SNX13: variants seen among roughly 807,000 people sequenced by gnomAD.
The protein encoded by SNX13 is sorting nexin 13, also known as sorting nexin-13.
Under a neutral mutation model 133.6 loss-of-function variants are expected in SNX13, and 45 were observed. The observed-to-expected ratio is 0.34, with a 90% CI of 0.27 to 0.43. SNX13 has a LOEUF of 0.43. SNX13 is among the 20% of genes least tolerant of loss of function. SNX13 has a pLI of 1.00. For synonymous variants in SNX13, 414 were observed against 373.9 expected (o/e 1.11, Z -1.24); for missense variants, 1,032 against 1,145.1 (o/e 0.90, Z 1.43).
At chr7:17,861,293 G>A (rs991664414) in intron 9 of SNX13, among the ~76,000 whole-genome samples, 3 of 151,820 alleles carry the variant, frequency 2.0e-5, no homozygotes, top group African/African-American at 7.3e-5. Context: ...GCCATCAGGT[G>A]ATGGGTTTGG....
At position 17,839,667 on chromosome 7, in the gene SNX13, G is replaced by A. The variant is rs1020772652; in HGVS notation, c.1359+140C>T. The A allele has an allele frequency of 6.4e-5, 39 of 611,690 alleles. No individual in the cohort carries two copies. The African/African-American group carries it at 7.4e-4, about 12-fold the overall frequency. 37.9% of individuals were successfully genotyped at this position (611,690 alleles called of 1,614,324 possible). A position where few individuals can be genotyped will look rare whatever the true frequency, so the allele number is the denominator to read the frequency against. ...AACATCAGAATCTTCACTTAAACGA[G>A]GATACAGACAGACAGGAAGATTGTT... On this transcript the variant is annotated intron_variant, in intron 13 of 25. Coordinates refer to ENST00000428135, the MANE Select transcript of SNX13 (RefSeq NM_015132.5).
Position 17,794,250 on chromosome 7 carries a change from C to A in SNX13, c.2669G>T (p.Gly890Val). The A allele has an allele frequency of 6.2e-7, 1 of 1,611,532 alleles. No homozygotes were observed. Among genetic ancestry groups the A allele is most frequent in the South Asian group, 1.1e-5 (1 of 90,962 alleles). ...HIIGAETTRK[G>V]ILRVFEMFQH... Reference sequence around the variant, plus strand: ...AAACATTTCAAAAACACGAAGAATACCTTTCCGTGTTGTCTCAGCCCCAAT... The same window carrying A: ...AAACATTTCAAAAACACGAAGAATAACTTTCCGTGTTGTCTCAGCCCCAAT... The change falls in exon 26 of 26, where the codon GGT (glycine) becomes GTT (valine). Residue 890 changes from glycine (G) to valine (V), a missense_variant. Coordinates refer to ENST00000428135, the MANE Select transcript of SNX13 (RefSeq NM_015132.5).
At chr7:17,840,590 A>C (rs544478946) in intron 12 of SNX13, among the ~76,000 whole-genome samples, 6 of 152,210 alleles carry the variant, frequency 3.9e-5, no homozygotes, top group African/African-American at 1.4e-4. Flanking sequence ...AATTTGCATT[A>C]GAATTTCCTA....
intron 5 of SNX13, chr7:17,888,935 T>C (rs1215613195): frequency 3.7e-6 from 1 of 269,214 alleles, no homozygotes; most frequent in African/African-American, 2.3e-5. Flanking sequence ...GATTACTAGT[T>C]CAAATCTCTT....
chr7:17,796,605 C>T (rs989664279), intron 25 of SNX13: 2 of 442,060 alleles, frequency 4.5e-6, no homozygotes, highest in African/African-American at 2.0e-5. Flanking sequence ...GCTTCCGTTT[C>T]CTCACATATA....
chr7:17,794,197 C>T lies in SNX13; in HGVS notation c.2722G>A (p.Val908Ile), dbSNP rs778206599. The part of the protein sequence containing the change: ...FQHNQLNRRM[V>I]YVFLEGFLET... ...AAAAAGCCTTCCAAGAAGACATAAA[C>T]CATTCTCCTATTTAATTGGTTGTGC... Residue 908 changes from valine (V) to isoleucine (I), a missense_variant, in exon 26 of 26, where the codon GTT becomes ATT. Val to Ile is a conservative substitution (Grantham distance 29, BLOSUM62 3). Coordinates refer to ENST00000428135, the MANE Select transcript of SNX13 (RefSeq NM_015132.5). 6.2e-7 allele frequency: 1 copy of T among 1,611,670 alleles called. No individual in the cohort carries two copies. Among genetic ancestry groups the T allele is most frequent in the African/African-American group, 1.3e-5 (1 of 74,962 alleles).
chr7:17,794,378 A>C (rs1783831890), intron 25 of SNX13, 86 bp from the exon 26 acceptor site: 8 of 1,470,976 alleles, frequency 5.4e-6, no homozygotes, highest in Non-Finnish European at 7.3e-6. Context: ...TAAGGTACAC[A>C]GCAGAGTAAC....
chr7:17,800,391 C>A (rs1784486762), intron 22 of SNX13, among the ~76,000 whole-genome samples: 1 of 151,648 alleles, frequency 6.6e-6, no homozygotes, highest in Non-Finnish European at 1.5e-5. Context: ...TATATGGTAA[C>A]CTGATTTGTG....
At chr7:17,898,141 T>C (rs891911491) in intron 1 of SNX13, 2 of 152,070 alleles carry the variant, frequency 1.3e-5, no homozygotes, top group East Asian at 3.8e-4. Flanking sequence ...AAACGCCTTT[T>C]ATTAAAGGCA....
intron 16 of SNX13, 35 bp from the exon 17 acceptor site, chr7:17,826,126 A>ATTT (rs1239503766): frequency 7.3e-7 from 1 of 1,376,864 alleles, no homozygotes. Context: ...AATTTTTAAA[A>ATTT]TTTTATAGGG....
chr7:17,822,242 C>A (rs1395447535), intron 17 of SNX13, among the ~76,000 whole-genome samples: 1 of 151,794 alleles, frequency 6.6e-6, no homozygotes, highest in Admixed American at 6.6e-5. Flanking sequence ...TTGCCACATA[C>A]CAAGCAAGTC....
chr7:17,832,237 T>C lies in SNX13; in HGVS notation c.1597+1815A>G, dbSNP rs187117066. On this transcript the variant is annotated intron_variant, in intron 15 of 25. Transcript: ENST00000428135. The stretch of plus-strand genomic sequence containing the variant: ...AGTACAGTGTATGATTTTAGGAAGT[T>C]TGAGACTGCTTATAGTTTGCTTCCA... 2.2e-4 allele frequency: 213 copies of C among 984,558 alleles called. No homozygotes were observed. In the African/African-American group the frequency reaches 3.3e-3, roughly 15 times the overall value. The allele number at this position is 984,558 out of a possible 1,614,324, so 61.0% of individuals were successfully genotyped here. A position where few individuals can be genotyped will look rare whatever the true frequency, so the allele number is the denominator to read the frequency against.
In SNX13 at chr7:17,794,295, A is replaced by T. The variant is rs761396682; in HGVS notation, c.2627-3T>A. The T allele has an allele frequency of 6.2e-7, 1 of 1,605,242 alleles. No individual in the cohort carries two copies. The highest frequency in any genetic ancestry group is 8.5e-7 in the Non-Finnish European group (1 of 1,175,848). On this transcript the variant is annotated splice_polypyrimidine_tract_variant and splice_region_variant and intron_variant, in intron 25 of 25. Coordinates refer to ENST00000428135, the MANE Select transcript of SNX13 (RefSeq NM_015132.5). ...CCCAATAATGTGCTTCAGCTCATCT[A>T]AATGAAGTGGAGGAAAACACACATA...
rs1313842561 is a variant in SNX13, at chr7:17,851,604, C to T, written c.838-640G>A. ...AATTTGCTGATAAATCAGACATGGC[C>T]GTGAAATAAAGAGAACATAGAACTA... is the stretch of plus-strand genomic sequence containing the variant. On this transcript the variant is annotated intron_variant, in intron 9 of 25. Coordinates refer to ENST00000428135, the MANE Select transcript of SNX13 (RefSeq NM_015132.5). Among the ~76,000 whole-genome samples, 3 of 149,820 alleles carry T rather than the reference C, an allele frequency of 2.0e-5. No homozygotes were observed. In the Admixed American group the frequency reaches 2.0e-4, roughly 10 times the overall value.
At chr7:17,859,100 T>C (rs1163779683) in intron 9 of SNX13, among the ~76,000 whole-genome samples, 1 of 152,034 alleles carries the variant, frequency 6.6e-6, no homozygotes, top group Non-Finnish European at 1.5e-5. Context: ...GGAAATTACG[T>C]TTCATCAAAA....
intron 1 of SNX13, among the ~76,000 whole-genome samples, chr7:17,926,351 T>C (rs1800757337): frequency 6.6e-6 from 1 of 152,176 alleles, no homozygotes; most frequent in Non-Finnish European, 1.5e-5. Flanking sequence ...AGAAAACTGC[T>C]TGGAAATTCT....
intron 9 of SNX13, among the ~76,000 whole-genome samples, chr7:17,860,733 T>C (rs931701136): frequency 2.0e-5 from 3 of 152,238 alleles, no homozygotes; most frequent in African/African-American, 7.2e-5. Flanking sequence ...TCCCATTTTG[T>C]AGCCTTGATA....
chr7:17,824,624 T>C (rs1227145192), intron 17 of SNX13, among the ~76,000 whole-genome samples: 1 of 151,908 alleles, frequency 6.6e-6, no homozygotes, highest in Non-Finnish European at 1.5e-5. Context: ...TTTTTTTTTT[T>C]AACTAAATCT....
At chr7:17,901,942 A>T (rs1797885201) in intron 1 of SNX13, among the ~76,000 whole-genome samples, 1 of 152,196 alleles carries the variant, frequency 6.6e-6, no homozygotes. Context: ...AACTGTATAA[A>T]TGTTTTATTC....
Sources: allele counts gnomAD v4.1 joint callset (sites outside exome capture counted in the v4.1 genomes callset), GRCh38; gene constraint gnomAD v4.1.1; transcripts MANE v1.5; gene names NCBI Gene and HGNC (gene_info 2026-07-23, HGNC 2026-07-21).